The following ARHGAP10 variants were observed in gnomAD, a reference collection of about 807,000 sequenced individuals.
The protein encoded by ARHGAP10 is Rho GTPase activating protein 10, also known as rho GTPase-activating protein 10.
Under a neutral mutation model 108.6 loss-of-function variants are expected in ARHGAP10, and 87 were observed. That is an observed-to-expected ratio of 0.80 (90% CI 0.67 to 0.96). The LOEUF is 0.96. ARHGAP10 is among the 40% of genes least tolerant of loss of function. The pLI, the probability that ARHGAP10 is intolerant of heterozygous loss-of-function variation, is 0.00. For missense variants in ARHGAP10, 939 were observed against 954.5 expected (o/e 0.98, Z 0.21); for synonymous variants, 347 against 341.1 (o/e 1.02, Z -0.19).
chr4:147,749,758 C>A (rs1428534062), intron 1 of ARHGAP10, among the ~76,000 whole-genome samples: 1 of 152,182 alleles, frequency 6.6e-6, no homozygotes, highest in Non-Finnish European at 1.5e-5. Flanking sequence ...GCTATTTGCA[C>A]TATTTTCTGT....
At chr4:147,817,438 T>C (rs1732297591) in intron 1 of ARHGAP10, among the ~76,000 whole-genome samples, 1 of 152,224 alleles carries the variant, frequency 6.6e-6, no homozygotes, top group Admixed American at 6.5e-5. Context: ...GTGGCTCTGC[T>C]ATAAGAAATA....
intron 15 of ARHGAP10, among the ~76,000 whole-genome samples, chr4:147,953,710 ATTAAT>A (rs1738692217): frequency 6.6e-6 from 1 of 151,736 alleles, no homozygotes; most frequent in African/African-American, 2.4e-5. Flanking sequence ...ATGGTTTTGG[ATTAAT>A]TTATTTTCTT....
chr4:148,042,874 G>C (rs1413032785), intron 19 of ARHGAP10, among the ~76,000 whole-genome samples: 2 of 152,152 alleles, frequency 1.3e-5, no homozygotes, highest in Non-Finnish European at 2.9e-5. Flanking sequence ...ACTGTGTGCA[G>C]GTTTTGTAAG....
intron 18 of ARHGAP10, among the ~76,000 whole-genome samples, chr4:147,967,113 A>C (rs1326132671): frequency 6.6e-6 from 1 of 152,218 alleles, no homozygotes; most frequent in Non-Finnish European, 1.5e-5. Context: ...ATTGTGAACT[A>C]TTTAGGACTT....
At chr4:147,836,560 G>C (rs187683181) in intron 3 of ARHGAP10, among the ~76,000 whole-genome samples, 12 of 152,128 alleles carry the variant, frequency 7.9e-5, no homozygotes, top group Non-Finnish European at 1.6e-4. Context: ...CTATTAATCG[G>C]CTCCTGATTT....
chr4:148,010,767 G>A (rs1241742305), intron 18 of ARHGAP10, among the ~76,000 whole-genome samples: 4 of 152,170 alleles, frequency 2.6e-5, no homozygotes, highest in Non-Finnish European at 4.4e-5. Context: ...AGACTATTGG[G>A]CTGAATCAGA....
intron 18 of ARHGAP10, among the ~76,000 whole-genome samples, chr4:147,999,070 C>G (rs936832235): frequency 1.3e-5 from 2 of 152,200 alleles, no homozygotes; most frequent in African/African-American, 4.8e-5. Flanking sequence ...CATTGAGAGA[C>G]AGGACTAGCT....
intron 5 of ARHGAP10, among the ~76,000 whole-genome samples, chr4:147,859,665 A>G (rs1171909423): frequency 6.6e-6 from 1 of 152,200 alleles, no homozygotes; most frequent in East Asian, 1.9e-4. Context: ...GAAGGCAACA[A>G]CATTGTCTTA....
chr4:147,897,445 A>C (rs776665303), intron 10 of ARHGAP10, among the ~76,000 whole-genome samples: 1 of 152,002 alleles, frequency 6.6e-6, no homozygotes, highest in Non-Finnish European at 1.5e-5. Context: ...TAAATCTGCC[A>C]TCTTGATTTT....
At chr4:147,987,266 A>C (rs1389339449) in intron 18 of ARHGAP10, among the ~76,000 whole-genome samples, 1 of 152,228 alleles carries the variant, frequency 6.6e-6, no homozygotes, top group African/African-American at 2.4e-5. Flanking sequence ...TATACTGTTG[A>C]AGCTTCTATA....
At chr4:148,039,833 G>T (rs1728554746) in intron 19 of ARHGAP10, among the ~76,000 whole-genome samples, 1 of 151,978 alleles carries the variant, frequency 6.6e-6, no homozygotes, top group South Asian at 2.1e-4. Flanking sequence ...CTTTAATTTT[G>T]AGACTTTGAT....
intron 20 of ARHGAP10, 91 bp downstream of exon 20, chr4:148,047,142 T>A: frequency 6.8e-7 from 1 of 1,473,454 alleles, no homozygotes; most frequent in Non-Finnish European, 9.2e-7. Context: ...CTGTGGGTGC[T>A]GAAGCCATTA....
In ARHGAP10 at chr4:147,765,337, T is replaced by TGTGGG. The variant is rs540944488; in HGVS notation, c.154+32883_154+32884insTGGGG. 2.7e-4 allele frequency among the ~76,000 whole-genome samples: 16 copies of TGTGGG among 58,592 alleles called. No individual in the cohort carries two copies. In the East Asian group the frequency reaches 3.8e-3, roughly 14 times the overall value. The allele number at this position is 58,592 out of a possible 152,430, so 38.4% of individuals were successfully genotyped here. On this transcript the variant is annotated intron_variant, in intron 1 of 22. Transcript: ENST00000336498. Reference sequence around the variant, plus strand: ...GTGTGTGCTGTGGTGTGTGTGTGTGTGGGGGGGGGGGTGTGAGTGTGTGTA... The same window carrying TGTGGG: ...GTGTGTGCTGTGGTGTGTGTGTGTGTGTGGGGGGGGGGGGGGTGTGAGTGTGTGTA...
At chr4:147,795,088 GT>G (rs1560762499) in intron 1 of ARHGAP10, among the ~76,000 whole-genome samples, 2 of 152,230 alleles carry the variant, frequency 1.3e-5, no homozygotes, top group East Asian at 1.9e-4. Flanking sequence ...GGCCTTTGTA[GT>G]TTTTTTCCTT....
chr4:147,972,887 T>C (rs1020920280), intron 18 of ARHGAP10, among the ~76,000 whole-genome samples: 3 of 152,134 alleles, frequency 2.0e-5, no homozygotes, highest in East Asian at 1.9e-4. Context: ...CCCAAGTAGC[T>C]GGGATTACAG....
Position 147,767,938 on chromosome 4 carries a change from A to G in ARHGAP10, c.154+35483A>G, listed in dbSNP as rs545135635. Among the ~76,000 whole-genome samples the G allele has an allele frequency of 3.9e-5, 6 of 152,350 alleles. No individual in the cohort carries two copies. In the South Asian group the frequency reaches 1.2e-3, roughly 32 times the overall value. ...AAGGGAGCAAAGATATGAGATTATC[A>G]AATTATGAAATGTGTTATATATGAA... On this transcript the variant is annotated intron_variant, in intron 1 of 22. Transcript: ENST00000336498.
chr4:147,795,159 T>A (rs1731264710), intron 1 of ARHGAP10, among the ~76,000 whole-genome samples: 1 of 152,160 alleles, frequency 6.6e-6, no homozygotes, highest in Non-Finnish European at 1.5e-5. Context: ...CATAGCTCAC[T>A]GCAGCCTTGA....
intron 7 of ARHGAP10, among the ~76,000 whole-genome samples, chr4:147,870,940 G>A (rs947994815): frequency 3.9e-5 from 4 of 103,656 alleles, no homozygotes; most frequent in African/African-American, 7.0e-5. Context: ...GTGTGTGTGT[G>A]TGTGTGTGTG....
chr4:147,746,679 C>T lies in ARHGAP10; in HGVS notation c.154+14224C>T, dbSNP rs1050074861. On this transcript the variant is annotated intron_variant, in intron 1 of 22. Transcript: ENST00000336498. The stretch of plus-strand genomic sequence containing the variant: ...TGCTGGGATTGTAGGTGTGAGCCAC[C>T]GTGCCTGGCAGCGTGCTTCTTAATA... 5.3e-5 allele frequency among the ~76,000 whole-genome samples: 8 copies of T among 152,092 alleles called. No individual in the cohort carries two copies. In the South Asian group the frequency reaches 6.2e-4, roughly 12 times the overall value.
Sources: allele counts gnomAD v4.1 joint callset (sites outside exome capture counted in the v4.1 genomes callset), GRCh38; gene constraint gnomAD v4.1.1; transcripts MANE v1.5; gene names NCBI Gene and HGNC (gene_info 2026-07-23, HGNC 2026-07-21).